Variants in PRMT3 observed in about 807,000 individuals in gnomAD.
The protein encoded by PRMT3 is protein arginine methyltransferase 3.
PRMT3 carries 62 observed loss-of-function variants against 71.9 expected under a neutral mutation model. That is an observed-to-expected ratio of 0.86 (90% CI 0.70 to 1.07). The LOEUF is 1.07. Ranked by LOEUF, PRMT3 falls within the 50% of genes least tolerant of loss-of-function variation. The pLI is 0.00. For missense variants in PRMT3, 663 were observed against 643.0 expected (o/e 1.03, Z -0.34); for synonymous variants, 213 against 220.4 (o/e 0.97, Z 0.30).
At chr11:20,490,100 A>G (rs529797115) in intron 13 of PRMT3, among the ~76,000 whole-genome samples, 1 of 151,236 alleles carries the variant, frequency 6.6e-6, no homozygotes, top group South Asian at 2.1e-4. Flanking sequence ...TCTCAACTGT[A>G]CGAATGCTGT....
chr11:20,397,940 G>A (rs1370086101), intron 7 of PRMT3, among the ~76,000 whole-genome samples: 4 of 148,842 alleles, frequency 2.7e-5, no homozygotes, highest in South Asian at 4.2e-4. Context: ...TTGGGAGCCC[G>A]AGGCAGGAGG....
At chr11:20,398,277 T>C (rs908645377) in intron 7 of PRMT3, among the ~76,000 whole-genome samples, 1 of 152,186 alleles carries the variant, frequency 6.6e-6, no homozygotes, top group South Asian at 2.1e-4. Flanking sequence ...TTCTTTGATA[T>C]AAAGTTTAAT....
chr11:20,427,263 T>C (rs1397496527), intron 10 of PRMT3, among the ~76,000 whole-genome samples: 1 of 152,212 alleles, frequency 6.6e-6, no homozygotes, highest in Non-Finnish European at 1.5e-5. Flanking sequence ...ATACTGAATG[T>C]CCTATCTTTC....
At chr11:20,430,266 T>C (rs1849628087) in intron 10 of PRMT3, among the ~76,000 whole-genome samples, 1 of 152,188 alleles carries the variant, frequency 6.6e-6, no homozygotes, top group Admixed American at 6.5e-5. Context: ...AAATAGAATA[T>C]ACCCTCCAGA....
chr11:20,500,196 TAACA>T (rs1342676124), intron 15 of PRMT3, among the ~76,000 whole-genome samples: 10 of 152,158 alleles, frequency 6.6e-5, no homozygotes, highest in African/African-American at 2.4e-4. Context: ...GGAATAAATT[TAACA>T]AAATATATGC....
chr11:20,395,039 A>G (rs1292088373), intron 5 of PRMT3, among the ~76,000 whole-genome samples: 4 of 152,222 alleles, frequency 2.6e-5, no homozygotes, highest in Admixed American at 2.0e-4. Flanking sequence ...ACAGATATAT[A>G]ACTTTAGGAT....
chr11:20,492,384 C>T (rs1207122029), intron 13 of PRMT3, among the ~76,000 whole-genome samples: 1 of 152,134 alleles, frequency 6.6e-6, no homozygotes, highest in African/African-American at 2.4e-5. Flanking sequence ...TTATGATAAT[C>T]TGTGGCTGAG....
chr11:20,388,273 A>G, intron 2 of PRMT3, 119 bp downstream of exon 2: 3 of 1,429,284 alleles, frequency 2.1e-6, no homozygotes, highest in Non-Finnish European at 2.9e-6. Context: ...GAATTCTGGA[A>G]CCACTGGTCT....
intron 13 of PRMT3, among the ~76,000 whole-genome samples, chr11:20,476,051 A>C (rs1395671235): frequency 6.6e-6 from 1 of 152,048 alleles, no homozygotes; most frequent in Non-Finnish European, 1.5e-5. Flanking sequence ...GCAGGCACAT[A>C]AAAACAAATA....
intron 9 of PRMT3, among the ~76,000 whole-genome samples, chr11:20,424,364 G>T (rs542366415): frequency 8.4e-4 from 128 of 152,256 alleles, no homozygotes; most frequent in African/African-American, 2.9e-3. Flanking sequence ...GGGCAGAATT[G>T]AAAGTCCAGA....
chr11:20,468,032 A>G (rs1334313822), intron 13 of PRMT3, among the ~76,000 whole-genome samples: 1 of 152,228 alleles, frequency 6.6e-6, no homozygotes, highest in East Asian at 1.9e-4. Context: ...CCATAACAAA[A>G]GTATTAAAAA....
intron 15 of PRMT3, among the ~76,000 whole-genome samples, chr11:20,500,258 G>C (rs535079622): frequency 6.6e-6 from 1 of 152,262 alleles, no homozygotes; most frequent in African/African-American, 2.4e-5. Flanking sequence ...AGAAATTAAA[G>C]AAAACTTAAA....
chr11:20,391,180 A>G (rs1343852370), intron 3 of PRMT3, among the ~76,000 whole-genome samples: 2 of 152,260 alleles, frequency 1.3e-5, no homozygotes, highest in Admixed American at 6.5e-5. Flanking sequence ...ATGTTTATAA[A>G]TCATAAATTC....
At chr11:20,391,992 T>C (rs1329029266) in intron 3 of PRMT3, among the ~76,000 whole-genome samples, 1 of 152,190 alleles carries the variant, frequency 6.6e-6, no homozygotes, top group Non-Finnish European at 1.5e-5. Context: ...TTTTTAGAAA[T>C]ACTAGAAAAG....
chr11:20,468,360 T>TTTTGTTTG (rs368648367), intron 13 of PRMT3, among the ~76,000 whole-genome samples: 2 of 152,042 alleles, frequency 1.3e-5, no homozygotes, highest in Non-Finnish European at 2.9e-5. Flanking sequence ...GTGGTTTTTG[T>TTTTGTTTG]TTTGTTTGTT....
intron 13 of PRMT3, among the ~76,000 whole-genome samples, chr11:20,484,387 T>G (rs936972110): frequency 1.3e-5 from 2 of 151,166 alleles, no homozygotes; most frequent in African/African-American, 2.4e-5. Flanking sequence ...AGTTTAAGAA[T>G]TGGGGGGAGT....
chr11:20,388,970 T>G (rs545331481), intron 2 of PRMT3, among the ~76,000 whole-genome samples: 2 of 152,384 alleles, frequency 1.3e-5, no homozygotes, highest in East Asian at 3.9e-4. Context: ...TGTTCTCATC[T>G]GTAGCCCCAT....
intron 13 of PRMT3, among the ~76,000 whole-genome samples, chr11:20,477,811 C>CCA (rs1205223833): frequency 6.9e-6 from 1 of 144,314 alleles, no homozygotes; most frequent in Non-Finnish European, 1.5e-5. Flanking sequence ...AACCCCCCCC[C>CCA]CCCACTTCCT....
At chr11:20,458,524 A>G (rs919816949) in intron 11 of PRMT3, among the ~76,000 whole-genome samples, 1 of 152,206 alleles carries the variant, frequency 6.6e-6, no homozygotes, top group Non-Finnish European at 1.5e-5. Flanking sequence ...TTCACCTACA[A>G]CAAGAAATAA....
Sources: gnomAD v4.1 joint callset for allele counts (sites outside exome capture counted in the v4.1 genomes callset) on GRCh38, gnomAD v4.1.1 for gene constraint, MANE v1.5 for transcripts, NCBI Gene and HGNC (gene_info 2026-07-23, HGNC 2026-07-21) for gene names.